RAB35: variants seen among roughly 807,000 people sequenced by gnomAD.
RAB35 encodes the protein RAB35, member RAS oncogene family, also known as ras-related protein Rab-35.
RAB35 carries 4 observed loss-of-function variants against 28.9 expected under a neutral mutation model. The ratio of observed to expected loss-of-function variants is 0.14; its 90% CI spans 0.07 to 0.32. RAB35 has a LOEUF of 0.32. Among genes scored for constraint, RAB35 ranks in the 10% least tolerant of loss-of-function variants. RAB35 has a pLI of 1.00. For synonymous variants in RAB35, 99 were observed against 105.1 expected (o/e 0.94, Z 0.35); for missense variants, 128 against 274.0 (o/e 0.47, Z 3.76).
rs3999541 is a variant in RAB35, at chr12:120,110,290, A to ATTTTTTTT, written c.53-1831_53-1824dup. Among the ~76,000 whole-genome samples the ATTTTTTTT allele has an allele frequency of 3.6e-4, 32 of 88,590 alleles. 2 individuals are homozygous for ATTTTTTTT. The highest frequency in any genetic ancestry group is 4.3e-4 in the East Asian group (1 of 2,348). 58.1% of individuals were successfully genotyped at this position (88,590 alleles called of 152,430 possible). A position where few individuals can be genotyped will look rare whatever the true frequency, so the allele number is the denominator to read the frequency against. On this transcript the variant is annotated intron_variant, in intron 1 of 5. Coordinates refer to ENST00000229340, the MANE Select transcript of RAB35 (RefSeq NM_006861.7). ...TCTGTTCATGGGAGAAGCCCACAGC[A>ATTTTTTTT]TTTTTTTTTTTTTTGGAGAGATAGG...
Sources: allele counts gnomAD v4.1 joint callset (sites outside exome capture counted in the v4.1 genomes callset), GRCh38; gene constraint gnomAD v4.1.1; transcripts MANE v1.5; gene names NCBI Gene and HGNC (gene_info 2026-07-23, HGNC 2026-07-21).